MCM3AP: variants seen among roughly 807,000 people sequenced by gnomAD.
MCM3AP encodes minichromosome maintenance complex component 3 associated protein.
MCM3AP carries 126 observed loss-of-function variants against 184.1 expected under a neutral mutation model. The ratio of observed to expected loss-of-function variants is 0.68; its 90% CI spans 0.59 to 0.79. The LOEUF is 0.79. MCM3AP is among the 30% of genes least tolerant of loss of function. MCM3AP has a pLI of 0.00. For missense variants in MCM3AP, 2,496 were observed against 2,479.2 expected, an observed-to-expected ratio of 1.01 and a Z score of -0.14; for synonymous variants, 1,002 against 979.3, an observed-to-expected ratio of 1.02 and a Z score of -0.43.
At chr21:46,270,591 T>G in intron 8 of MCM3AP, 28 bp from the exon 9 acceptor site, 2 of 1,549,788 alleles carry the variant, frequency 1.3e-6, no homozygotes, top group Non-Finnish European at 1.7e-6. Flanking sequence ...GAAAAGGGGT[T>G]GGAATGTTAT....
chr21:46,262,893 G>A (rs1454443807), intron 13 of MCM3AP, among the ~76,000 whole-genome samples: 8 of 149,234 alleles, frequency 5.4e-5, no homozygotes, highest in East Asian at 2.0e-4. Flanking sequence ...CGTGAACCCC[G>A]GGGGGCGGAG....
chr21:46,262,739 G>A (rs12626725), intron 13 of MCM3AP, among the ~76,000 whole-genome samples: 66,338 of 151,264 alleles, frequency 0.44, 14,727 homozygotes, highest in Admixed American at 0.49. Flanking sequence ...AGGCCGAGGC[G>A]GGTGGATCAG....
intron 26 of MCM3AP, among the ~76,000 whole-genome samples, chr21:46,240,462 T>C (rs374587905): frequency 1.5e-3 from 227 of 152,304 alleles, no homozygotes; most frequent in Non-Finnish European, 2.5e-3. Context: ...GATCCACCAA[T>C]GCCTCAGGCT....
chr21:46,236,018 C>A (rs1215823505), intron 27 of MCM3AP, among the ~76,000 whole-genome samples: 3 of 152,214 alleles, frequency 2.0e-5, no homozygotes, highest in Non-Finnish European at 4.4e-5. Context: ...AGACTCCCAT[C>A]TTCGGATATT....
At chr21:46,274,761 C>A (rs1299990001) in intron 6 of MCM3AP, among the ~76,000 whole-genome samples, 3 of 151,812 alleles carry the variant, frequency 2.0e-5, no homozygotes, top group Non-Finnish European at 4.4e-5. Context: ...CACGGCAAGA[C>A]CCCATCGCTG....
Position 46,273,446 on chromosome 21 carries a change from T to C in MCM3AP, c.2138A>G (p.Glu713Gly). The C allele has an allele frequency of 6.2e-7, 1 of 1,614,014 alleles. No individual in the cohort carries two copies. The highest frequency in any genetic ancestry group is 8.5e-7 in the Non-Finnish European group (1 of 1,179,876). Reference protein sequence around the residue: ...YLVTQIMDQKEGSLRDWYDFV... With the variant: ...YLVTQIMDQKGGSLRDWYDFV... ...GTCATACCAATCCCGCAGGCTGCCCTCCTTCTGGTCCATGATCTGGGTCAC... is the reference window on the plus strand; with the variant it reads ...GTCATACCAATCCCGCAGGCTGCCCCCCTTCTGGTCCATGATCTGGGTCAC... The change falls in exon 7 of 28, where the codon GAG becomes GGG. Residue 713 changes from glutamate (E) to glycine (G), a missense_variant. Physicochemically the swap from Glu to Gly is moderately conservative, Grantham distance 98. This residue lies in a region of MCM3AP where 130 missense variants were observed against 199.8 expected (regional missense o/e 0.65). Coordinates refer to ENST00000291688, the MANE Select transcript of MCM3AP (RefSeq NM_003906.5).
Position 46,273,501 on chromosome 21 carries a change from G to T in MCM3AP, c.2083C>A (p.Pro695Thr), listed in dbSNP as rs946087380. 55 of 1,613,916 alleles carry T rather than the reference G, an allele frequency of 3.4e-5. No homozygotes were observed. Among genetic ancestry groups the T allele is most frequent in the Non-Finnish European group, 4.5e-5 (53 of 1,179,866 alleles). ...TAGTCCATGGTCCTGCTGAGCACTG[G>T]CAAGGGCCGCAGCTCGTGGGGCAGG... ...EPLPHELRPL[P>T]VLSRTMDYLV... The change falls in exon 7 of 28, where the codon CCA (proline) becomes ACA (threonine). Residue 695 changes from proline (P) to threonine (T), a missense_variant. Physicochemically the swap from Pro to Thr is conservative, Grantham distance 38. This residue lies in a region of MCM3AP where 130 missense variants were observed against 199.8 expected (regional missense o/e 0.65). Coordinates refer to ENST00000291688, the MANE Select transcript of MCM3AP (RefSeq NM_003906.5).
At position 46,243,626 on chromosome 21, in the gene MCM3AP, T is replaced by A; in HGVS notation, c.5135A>T (p.Asn1712Ile). The change falls in exon 24 of 28, where the codon AAC (asparagine) becomes ATC (isoleucine). Residue 1712 changes from asparagine to isoleucine, a missense_variant. Physicochemically the swap from Asn to Ile is moderately radical, Grantham distance 149. Around this residue, in one of 5 missense-constraint regions of MCM3AP, gnomAD observed 1,323 missense variants for 1,273.4 expected, o/e 1.04. Coordinates refer to ENST00000291688, the MANE Select transcript of MCM3AP (RefSeq NM_003906.5). ...CCTACAGTAGGTTCTGTGGAGCAGGTTCTCCACCTGGGACTGGAGGACAGG... is the reference window on the plus strand; with the variant it reads ...CCTACAGTAGGTTCTGTGGAGCAGGATCTCCACCTGGGACTGGAGGACAGG... ...TQPVLQSQVE[N>I]LLHRTYCRWK... 1 of 1,614,196 alleles carries A rather than the reference T, an allele frequency of 6.2e-7. No individual in the cohort carries two copies. Among genetic ancestry groups the A allele is most frequent in the Non-Finnish European group, 8.5e-7 (1 of 1,180,032 alleles).
chr21:46,259,601 C>T (rs1042031008), intron 15 of MCM3AP, among the ~76,000 whole-genome samples: 1 of 151,890 alleles, frequency 6.6e-6, no homozygotes, highest in African/African-American at 2.4e-5. Context: ...AGAACCCCGT[C>T]TCTACTAAAA....
chr21:46,247,179 G>A, intron 20 of MCM3AP: 1 of 319,886 alleles, frequency 3.1e-6, no homozygotes. Context: ...GTCTTGAATT[G>A]CTGGGCTCGA....
At position 46,256,989 on chromosome 21, in the gene MCM3AP, G is replaced by A. The variant is rs371194956; in HGVS notation, c.3735-3C>T. On this transcript the variant is annotated splice_polypyrimidine_tract_variant and splice_region_variant and intron_variant, in intron 16 of 27. Transcript: ENST00000291688. The stretch of plus-strand genomic sequence containing the variant: ...GGGCTGTGACAGCTTCCCTCCACCT[G>A]GGGACATGAAAATGTATCATCACAG... 6.2e-6 allele frequency: 10 copies of A among 1,608,700 alleles called. No individual in the cohort carries two copies. The highest frequency in any genetic ancestry group is 8.5e-6 in the Non-Finnish European group (10 of 1,176,918).
intron 5 of MCM3AP, among the ~76,000 whole-genome samples, chr21:46,276,603 G>A (rs1434751095): frequency 2.0e-5 from 3 of 149,086 alleles, no homozygotes; most frequent in South Asian, 2.1e-4. Context: ...CACCACGCCC[G>A]GCTAATTTTG....
At position 46,282,396 on chromosome 21, in the gene MCM3AP, T is replaced by C. The variant is rs543243908; in HGVS notation, c.1443+1219A>G. On this transcript the variant is annotated intron_variant, in intron 2 of 27. Coordinates refer to ENST00000291688, the MANE Select transcript of MCM3AP (RefSeq NM_003906.5). ...TATCATTCACTTTATAAATTTATAC[T>C]TTATAAATTCCTATAGAACGTAATT... Among the ~76,000 whole-genome samples the C allele has an allele frequency of 3.3e-5, 5 of 152,324 alleles. No individual in the cohort carries two copies. The East Asian group carries it at 5.8e-4, about 18-fold the overall frequency.
chr21:46,280,817 T>G (rs113371764), intron 2 of MCM3AP, among the ~76,000 whole-genome samples: 2 of 152,028 alleles, frequency 1.3e-5, no homozygotes, highest in African/African-American at 4.8e-5. Context: ...TCCCCCTTTT[T>G]TTTTTTGAGA....
intron 13 of MCM3AP, among the ~76,000 whole-genome samples, chr21:46,263,327 C>A (rs1180385796): frequency 1.3e-5 from 2 of 152,026 alleles, no homozygotes; most frequent in African/African-American, 2.4e-5. Context: ...GAGACTCCGT[C>A]TCAAAAACAA....
intron 7 of MCM3AP, 49 bp downstream of exon 7, chr21:46,273,339 T>C (rs1419819285): frequency 1.3e-6 from 2 of 1,526,002 alleles, no homozygotes; most frequent in Non-Finnish European, 9.1e-7. Context: ...CAGTTTGACT[T>C]TGGAATTTGC....
At position 46,284,839 on chromosome 21, in the gene MCM3AP, C is replaced by T. The variant is rs1555915921; in HGVS notation, c.448G>A (p.Glu150Lys). 11 of 1,614,044 alleles carry T rather than the reference C, an allele frequency of 6.8e-6. No homozygotes were observed. The highest frequency in any genetic ancestry group is 1.1e-5 in the South Asian group (1 of 91,088). The change falls in exon 1 of 28, where the codon GAA becomes AAA. Residue 150 changes from glutamate to lysine, a missense_variant. Glu to Lys is a moderately conservative substitution (Grantham distance 56). This residue lies in a region of MCM3AP where 800 missense variants were observed against 717.1 expected (regional missense o/e 1.12). Coordinates refer to ENST00000291688, the MANE Select transcript of MCM3AP (RefSeq NM_003906.5). ...GKTEFSFKPL[E>K]NAVFKPILGA... ...AGTATTGGTTTGAACACTGCATTTT[C>T]CAGAGGTTTAAAGCTGAATTCTGTT...
At chr21:46,260,076 T>TCAAAAAAAAAAAAAAAAAAAAAAAAA in intron 15 of MCM3AP, among the ~76,000 whole-genome samples, 1 of 145,208 alleles carries the variant, frequency 6.9e-6, no homozygotes, top group East Asian at 2.0e-4. Flanking sequence ...ACTCCGTCTT[T>TCAAAAAAAAAAAAAAAAAAAAAAAAA]AAAAAAAAAA....
intron 22 of MCM3AP, 128 bp from the exon 23 acceptor site, chr21:46,245,325 T>C (rs1294706372): frequency 1.4e-5 from 11 of 804,940 alleles, no homozygotes; most frequent in Non-Finnish European, 1.7e-5. Flanking sequence ...TCAACTGTGG[T>C]AGGAAGGGGA....
Sources: allele counts gnomAD v4.1 joint callset (sites outside exome capture counted in the v4.1 genomes callset), GRCh38; gene constraint gnomAD v4.1.1; regional missense constraint gnomAD v4.1.1; transcripts MANE v1.5; gene names NCBI Gene and HGNC (gene_info 2026-07-23, HGNC 2026-07-21).